NPFFR1: variants seen among roughly 807,000 people sequenced by gnomAD.
NPFFR1 encodes the protein neuropeptide FF receptor 1.
NPFFR1 carries 17 observed loss-of-function variants against 12.7 expected under a neutral mutation model. The ratio of observed to expected loss-of-function variants is 1.34; its 90% CI spans 0.92 to 2.01. The LOEUF is 2.01. Among genes scored for constraint, NPFFR1 ranks in the 30% most tolerant of loss-of-function variants. The probability of loss-of-function intolerance (pLI) is 0.00; values close to 1 mark genes in which losing one functional copy is unlikely to be tolerated. For missense variants in NPFFR1, 604 were observed against 606.5 expected, an observed-to-expected ratio of 1.00 and a Z score of 0.04; for synonymous variants, 296 against 264.5, an observed-to-expected ratio of 1.12 and a Z score of -1.16.
At chr10:70,259,551 G>A (rs1467513888) in intron 3 of NPFFR1, among the ~76,000 whole-genome samples, 1 of 152,136 alleles carries the variant, frequency 6.6e-6, no homozygotes. Context: ...TGATCACCCA[G>A]CTAGTTAGTG....
At chr10:70,261,360 A>T (rs1224134091) in intron 2 of NPFFR1, among the ~76,000 whole-genome samples, 1 of 152,184 alleles carries the variant, frequency 6.6e-6, no homozygotes, top group Non-Finnish European at 1.5e-5. Context: ...TCCCTGCAGA[A>T]CTGTGAGTCA....
rs1840473399 is a variant in NPFFR1 at position 70,248,467 on chromosome 10, G to GTTTTTGTTTT, written c.*6489_*6490insAAAACAAAAA. On this transcript the variant is annotated 3_prime_UTR_variant, in exon 4 of 4. Transcript: ENST00000277942. ...CAAAGTACGTAGTACTATGCCTGGCGTTTTTTTTTTGTTTTTTGTTTTTTT... is the reference window on the plus strand; with the variant it reads ...CAAAGTACGTAGTACTATGCCTGGCGTTTTTGTTTTTTTTTTTTTTGTTTTTTGTTTTTTT... 1.0e-4 allele frequency: 10 copies of GTTTTTGTTTT among 96,742 alleles called. No individual in the cohort carries two copies. The highest frequency in any genetic ancestry group is 3.2e-4 in the African/African-American group (8 of 24,706). The allele number at this position is 96,742 out of a possible 1,614,324, so 6.0% of individuals were successfully genotyped here.
intron 3 of NPFFR1, among the ~76,000 whole-genome samples, chr10:70,256,241 C>A (rs76543381): frequency 6.6e-6 from 1 of 151,986 alleles, no homozygotes; most frequent in Non-Finnish European, 1.5e-5. Flanking sequence ...GCCACCTCGC[C>A]GGCTAATTTC....
chr10:70,248,546 C>T lies in NPFFR1; in HGVS notation c.*6411G>A, dbSNP rs1451122242. ...TGTTGCCCAGGATAGAGTACAGTGG[C>T]GCTATCTTGGCTTACTGCAAACTCC... On this transcript the variant is annotated 3_prime_UTR_variant, in exon 4 of 4. Coordinates refer to ENST00000277942, the MANE Select transcript of NPFFR1 (RefSeq NM_022146.5). The T allele has an allele frequency of 8.0e-6, 1 of 125,050 alleles. No individual in the cohort carries two copies. The highest frequency in any genetic ancestry group is 1.6e-5 in the Non-Finnish European group (1 of 63,362). The allele number at this position is 125,050 out of a possible 1,614,324, so 7.7% of individuals were successfully genotyped here. A position where few individuals can be genotyped will look rare whatever the true frequency, so the allele number is the denominator to read the frequency against.
intron 1 of NPFFR1, among the ~76,000 whole-genome samples, chr10:70,273,991 T>A (rs1345389380): frequency 6.6e-6 from 1 of 152,130 alleles, no homozygotes; most frequent in Non-Finnish European, 1.5e-5. Context: ...AGATTAGATG[T>A]TTGTGCCCAC....
In NPFFR1 at chr10:70,255,180, T is replaced by A. The variant is rs543661165; in HGVS notation, c.1070A>T (p.Lys357Met). ...RLCPRPSGSH[K>M]EAYSERPGGL... ...GCCGGGCCGCTCGGAGTAGGCCTCCTTGTGGCTCCCCGACGGGCGCGGGCA... is the reference window on the plus strand; with the variant it reads ...GCCGGGCCGCTCGGAGTAGGCCTCCATGTGGCTCCCCGACGGGCGCGGGCA... Residue 357 changes from lysine (K) to methionine (M), a missense_variant, in exon 4 of 4, where the codon AAG becomes ATG. Physicochemically the swap from Lys to Met is moderately conservative, Grantham distance 95 (BLOSUM62 -1). Transcript: ENST00000277942. This position sits in a 1 kb window ranked among gnomAD's most constrained non-coding sequence, Gnocchi z 4.2. 6.5e-6 allele frequency: 10 copies of A among 1,548,582 alleles called. No individual in the cohort carries two copies. The African/African-American group carries it at 1.2e-4, about 19-fold the overall frequency.
At chr10:70,282,692 TCCCCC>T (rs1291276558) in intron 1 of NPFFR1, among the ~76,000 whole-genome samples, 1 of 152,116 alleles carries the variant, frequency 6.6e-6, no homozygotes, top group South Asian at 2.1e-4. Context: ...AATGTTAAGT[TCCCCC>T]ATTCGATAGA....
chr10:70,266,468 T>C (rs1166447443), intron 1 of NPFFR1, 77 bp from the exon 2 acceptor site: 1 of 1,193,950 alleles, frequency 8.4e-7, no homozygotes, highest in Non-Finnish European at 1.2e-6. Flanking sequence ...AATGAGACCC[T>C]CTGTGTGCCA....
chr10:70,251,708 G>A lies in NPFFR1; in HGVS notation c.*3249C>T, dbSNP rs964017539. ...TAGGAAACCCAGCCAACCTGGAGGT[G>A]GAGGATGGCGTGTCAGGAATGGTCC... On this transcript the variant is annotated 3_prime_UTR_variant, in exon 4 of 4. Coordinates refer to ENST00000277942, the MANE Select transcript of NPFFR1 (RefSeq NM_022146.5). The A allele has an allele frequency of 1.3e-5, 2 of 152,310 alleles. No individual in the cohort carries two copies. Among genetic ancestry groups the A allele is most frequent in the Admixed American group, 6.5e-5 (1 of 15,290 alleles). The allele number at this position is 152,310 out of a possible 1,614,324, so 9.4% of individuals were successfully genotyped here.
At chr10:70,272,229 AAAGAAAGAAAGAAAG>A in intron 1 of NPFFR1, among the ~76,000 whole-genome samples, 1 of 7,374 alleles carries the variant, frequency 1.4e-4, no homozygotes, top group East Asian at 0.014. Context: ...AGAAAGAAAG[AAAGAAAGAAAGAAAG>A]AAGAAAGAAG....
rs1351888128 is a variant in NPFFR1 at position 70,252,362 on chromosome 10, C to T, written c.*2595G>A. The T allele has an allele frequency of 6.6e-6, 1 of 152,078 alleles. No individual in the cohort carries two copies. The highest frequency in any genetic ancestry group is 1.5e-5 in the Non-Finnish European group (1 of 68,034). The allele number at this position is 152,078 out of a possible 1,614,324, so 9.4% of individuals were successfully genotyped here. ...AGACAGAAAGTAGAATAGTAGTTAC[C>T]AGGGGCTAGGAGGAGAGGGGATGCG... On this transcript the variant is annotated 3_prime_UTR_variant, in exon 4 of 4. Coordinates refer to ENST00000277942, the MANE Select transcript of NPFFR1 (RefSeq NM_022146.5).
rs767615439 is a variant in NPFFR1 at position 70,255,812 on chromosome 10, C to T, written c.438G>A (p.Val146=). 6.2e-7 allele frequency: 1 copy of T among 1,608,408 alleles called. No homozygotes were observed. The highest frequency in any genetic ancestry group is 2.2e-5 in the East Asian group (1 of 44,630). ...GGGTCAGCTTCTCGCGGAAAGGGTG[C>T]ACGATGCAGCGGAACCTGCCGCGGG... ...AIAVERFRCI[V]HPFREKLTLR... The change falls in exon 4 of 4, where the codon GTG becomes GTA. Residue 146 remains valine (V), a synonymous_variant. Transcript: ENST00000277942. The surrounding 1 kb of genome is among the most constrained non-coding windows in gnomAD (Gnocchi z 4.2).
Position 70,251,236 on chromosome 10 carries a change from T to C in NPFFR1, c.*3721A>G, listed in dbSNP as rs906663506. The C allele has an allele frequency of 6.6e-6, 1 of 152,290 alleles. No individual in the cohort carries two copies. Among genetic ancestry groups the C allele is most frequent in the African/African-American group, 2.4e-5 (1 of 41,476 alleles). 9.4% of individuals were successfully genotyped at this position (152,290 alleles called of 1,614,324 possible). ...GGTACAGAGCTTAATAGCAATCCTTTGTCCATCCAGCTCTGGGCTTGGCTC... is the reference window on the plus strand; with the variant it reads ...GGTACAGAGCTTAATAGCAATCCTTCGTCCATCCAGCTCTGGGCTTGGCTC... On this transcript the variant is annotated 3_prime_UTR_variant, in exon 4 of 4. Transcript: ENST00000277942.
At chr10:70,283,390 C>T (rs1359481893) in intron 1 of NPFFR1, among the ~76,000 whole-genome samples, 1 of 151,756 alleles carries the variant, frequency 6.6e-6, no homozygotes, top group African/African-American at 2.4e-5. Flanking sequence ...AACATGAATA[C>T]AGAGCACCCC....
At chr10:70,279,625 A>C (rs1169769797) in intron 1 of NPFFR1, among the ~76,000 whole-genome samples, 1 of 149,998 alleles carries the variant, frequency 6.7e-6, no homozygotes, top group Non-Finnish European at 1.5e-5. Context: ...ACACTCAGCT[A>C]ATTTTTGTAT....
intron 2 of NPFFR1, among the ~76,000 whole-genome samples, chr10:70,263,785 A>AT (rs201620832): frequency 0.011 from 1,652 of 152,086 alleles, 29 homozygotes; most frequent in African/African-American, 0.037. Flanking sequence ...TAAAAAAAAA[A>AT]CAAAACCAAC....
At chr10:70,279,113 G>T (rs1284263941) in intron 1 of NPFFR1, among the ~76,000 whole-genome samples, 1 of 152,096 alleles carries the variant, frequency 6.6e-6, no homozygotes, top group Non-Finnish European at 1.5e-5. Flanking sequence ...GAAAACATCT[G>T]AAATTTAGTT....
In NPFFR1 at chr10:70,255,541, C is replaced by G; in HGVS notation, c.709G>C (p.Ala237Pro). The G allele has an allele frequency of 6.5e-7, 1 of 1,550,052 alleles. No homozygotes were observed. Among genetic ancestry groups the G allele is most frequent in the African/African-American group, 1.4e-5 (1 of 73,140 alleles). Residue 237 changes from alanine (A) to proline (P), a missense_variant, in exon 4 of 4, where the codon GCC (alanine) becomes CCC (proline). Coordinates refer to ENST00000277942, the MANE Select transcript of NPFFR1 (RefSeq NM_022146.5). This position sits in a 1 kb window ranked among gnomAD's most constrained non-coding sequence, Gnocchi z 4.2. ...TGGCAGAGCTTGCGCGCGATGCGGGCGTACATGACCACGATGAGCGCCAGC... is the reference window on the plus strand; with the variant it reads ...TGGCAGAGCTTGCGCGCGATGCGGGGGTACATGACCACGATGAGCGCCAGC... ...APLALIVVMY[A>P]RIARKLCQAP...
chr10:70,264,548 A>G (rs919009110), intron 2 of NPFFR1, among the ~76,000 whole-genome samples: 2 of 152,152 alleles, frequency 1.3e-5, no homozygotes, highest in Non-Finnish European at 2.9e-5. Context: ...ATTTATTAAT[A>G]TGGGATAACA....
Sources: gnomAD v4.1 joint callset for allele counts (sites outside exome capture counted in the v4.1 genomes callset) on GRCh38, gnomAD v4.1.1 for gene constraint, Gnocchi (gnomAD v3.1) non-coding constraint, MANE v1.5 for transcripts, NCBI Gene and HGNC (gene_info 2026-07-23, HGNC 2026-07-21) for gene names.